The following DNAI7 variants were observed in gnomAD, a reference collection of about 807,000 sequenced individuals.
DNAI7 encodes the protein cancer susceptibility 1.
DNAI7 carries 78 observed loss-of-function variants against 86.6 expected under a neutral mutation model. The ratio of observed to expected loss-of-function variants is 0.90; its 90% CI spans 0.75 to 1.09. The LOEUF (loss-of-function observed/expected upper bound fraction) is 1.09. Among genes scored for constraint, DNAI7 ranks in the 50% least tolerant of loss-of-function variants. The pLI, the probability that DNAI7 is intolerant of heterozygous loss-of-function variation, is 0.00. For synonymous variants in DNAI7, 274 were observed against 273.0 expected, an observed-to-expected ratio of 1.00 and a Z score of -0.04; for missense variants, 753 against 810.2, an observed-to-expected ratio of 0.93 and a Z score of 0.86.
chr12:25,166,297 A>G (rs1947456037), intron 2 of DNAI7, among the ~76,000 whole-genome samples: 1 of 152,156 alleles, frequency 6.6e-6, no homozygotes, highest in Non-Finnish European at 1.5e-5. Context: ...CGCCTTATCA[A>G]CCAAATTGTT....
chr12:25,125,971 T>C (rs1321120666), intron 9 of DNAI7, among the ~76,000 whole-genome samples: 1 of 152,204 alleles, frequency 6.6e-6, no homozygotes, highest in Non-Finnish European at 1.5e-5. Context: ...TTGGTCTATG[T>C]GCCTGTTTCT....
At chr12:25,121,205 G>A (rs11047849) in intron 11 of DNAI7, among the ~76,000 whole-genome samples, 43,506 of 152,050 alleles carry the variant, frequency 0.29, 6,857 homozygotes, top group Non-Finnish European at 0.34. Flanking sequence ...AGAGGATGCT[G>A]ATGCCTCTGC....
Position 25,110,200 on chromosome 12 carries a change from A to G in DNAI7, c.1820T>C (p.Leu607Pro). 6.2e-7 allele frequency: 1 copy of G among 1,612,378 alleles called. No homozygotes were observed. The highest frequency in any genetic ancestry group is 8.5e-7 in the Non-Finnish European group (1 of 1,178,398). ...VEVKAYRQMA[L>P]LSSAFAFGWS... ...ACCAAATGCAAAAGCAGAACTTAGT[A>G]GGGCCATCTGTCGATAAGCTTTCAC... The change falls in exon 15 of 16, where the codon CTA (leucine) becomes CCA (proline). Residue 607 changes from leucine (L) to proline (P), a missense_variant. Transcript: ENST00000395987.
chr12:25,129,190 GCCCT>G (rs1465244418), intron 9 of DNAI7, among the ~76,000 whole-genome samples: 1 of 151,966 alleles, frequency 6.6e-6, no homozygotes, highest in Admixed American at 6.6e-5. Flanking sequence ...CATCAAACAG[GCCCT>G]CCCTAACTAC....
At chr12:25,163,422 AC>A (rs528893597) in intron 2 of DNAI7, among the ~76,000 whole-genome samples, 13 of 151,638 alleles carry the variant, frequency 8.6e-5, no homozygotes, top group Non-Finnish European at 1.8e-4. Flanking sequence ...GCACCTTGTG[AC>A]CCCCCACTCC....
At position 25,119,726 on chromosome 12, in the gene DNAI7, G is replaced by T. The variant is rs1027200942; in HGVS notation, c.1240-425C>A. Among the ~76,000 whole-genome samples, 9 of 152,166 alleles carry T rather than the reference G, an allele frequency of 5.9e-5. 1 individual carries two copies. In the East Asian group the frequency reaches 1.5e-3, roughly 26 times the overall value. On this transcript the variant is annotated intron_variant, in intron 11 of 15. Coordinates refer to ENST00000395987, the MANE Select transcript of DNAI7 (RefSeq NM_018272.5). ...CATGCTAAGGGTGTGTAGGTAAAGA[G>T]AAAAAGAAACATATAGACAACCTAT...
chr12:25,164,957 A>C (rs371963449), intron 2 of DNAI7, among the ~76,000 whole-genome samples: 2 of 152,058 alleles, frequency 1.3e-5, no homozygotes, highest in African/African-American at 4.8e-5. Context: ...ATTTCCTCTT[A>C]AAAAGGTGGC....
chr12:25,111,830 G>C lies in DNAI7; in HGVS notation c.1721C>G (p.Ala574Gly), dbSNP rs765755713. 1.9e-5 allele frequency: 30 copies of C among 1,604,462 alleles called. No individual in the cohort carries two copies. In the South Asian group the frequency reaches 2.6e-4, roughly 14 times the overall value. Reference sequence around the variant, plus strand: ...TCTAGTAGGAAAGATATTCAGTCCAGCTTCTTTCAAAGCAATAATGAAAGG... The same window carrying C: ...TCTAGTAGGAAAGATATTCAGTCCACCTTCTTTCAAAGCAATAATGAAAGG... ...PIPFIIALKE[A>G]GLNIFPTRHS... The change falls in exon 14 of 16, where the codon GCT becomes GGT. Residue 574 changes from alanine (A) to glycine (G), a missense_variant. Ala to Gly is a moderately conservative substitution (Grantham distance 60). Coordinates refer to ENST00000395987, the MANE Select transcript of DNAI7 (RefSeq NM_018272.5).
At chr12:25,188,555 A>G (rs1950234571) in intron 2 of DNAI7, among the ~76,000 whole-genome samples, 1 of 152,136 alleles carries the variant, frequency 6.6e-6, no homozygotes, top group African/African-American at 2.4e-5. Flanking sequence ...GCAATATTTA[A>G]AAGTGAAATA....
intron 8 of DNAI7, among the ~76,000 whole-genome samples, chr12:25,145,804 A>C (rs1195352939): frequency 6.6e-6 from 1 of 152,246 alleles, no homozygotes. Context: ...AAATGTTTAA[A>C]GATCAAGCAG....
chr12:25,186,577 A>G (rs1013783403), intron 2 of DNAI7, among the ~76,000 whole-genome samples: 9 of 152,210 alleles, frequency 5.9e-5, no homozygotes, highest in African/African-American at 1.9e-4. Context: ...CACCACTTCC[A>G]AAAAGACAGG....
At chr12:25,156,759 T>A (rs2140984489) in intron 4 of DNAI7, among the ~76,000 whole-genome samples, 1 of 150,836 alleles carries the variant, frequency 6.6e-6, no homozygotes, top group Middle Eastern at 3.4e-3. Context: ...AATGAAAAAA[T>A]CTTCTGATTT....
intron 2 of DNAI7, among the ~76,000 whole-genome samples, chr12:25,162,450 GA>G (rs1403533560): frequency 6.6e-6 from 1 of 152,208 alleles, no homozygotes. Flanking sequence ...AAGCAGATAC[GA>G]AAGCAATTTC....
At chr12:25,192,259 G>GT (rs1490721470) in intron 1 of DNAI7, among the ~76,000 whole-genome samples, 1 of 152,132 alleles carries the variant, frequency 6.6e-6, no homozygotes, top group African/African-American at 2.4e-5. Context: ...CATTGCTCCA[G>GT]TTCTCAATTA....
At chr12:25,167,929 C>T (rs1947678442) in intron 2 of DNAI7, among the ~76,000 whole-genome samples, 1 of 152,198 alleles carries the variant, frequency 6.6e-6, no homozygotes, top group Admixed American at 6.5e-5. Flanking sequence ...GGTAACCTTT[C>T]ACCTTCTCGA....
At chr12:25,162,958 C>G (rs551340019) in intron 2 of DNAI7, among the ~76,000 whole-genome samples, 14 of 152,282 alleles carry the variant, frequency 9.2e-5, no homozygotes, top group Admixed American at 2.6e-4. Context: ...AGATTGACTA[C>G]AAGAACAAAC....
chr12:25,182,105 T>C (rs1376412671), intron 2 of DNAI7, among the ~76,000 whole-genome samples: 1 of 150,958 alleles, frequency 6.6e-6, no homozygotes, highest in East Asian at 1.9e-4. Flanking sequence ...TCCAGCACTT[T>C]GGGAGGCCGA....
At chr12:25,115,437 C>T (rs1402989764) in intron 12 of DNAI7, among the ~76,000 whole-genome samples, 2 of 152,270 alleles carry the variant, frequency 1.3e-5, no homozygotes, top group Admixed American at 1.3e-4. Flanking sequence ...CCCCAGGCAA[C>T]GATTAATGTA....
chr12:25,132,553 A>G (rs117186797), intron 9 of DNAI7, among the ~76,000 whole-genome samples: 3,563 of 141,022 alleles, frequency 0.025, 87 homozygotes, highest in Non-Finnish European at 0.034. Context: ...AAAAACTTCA[A>G]TGAAAATCTT....
Sources: allele counts gnomAD v4.1 joint callset (sites outside exome capture counted in the v4.1 genomes callset), GRCh38; gene constraint gnomAD v4.1.1; transcripts MANE v1.5; gene names NCBI Gene and HGNC (gene_info 2026-07-23, HGNC 2026-07-21).